Variants in CSMD1 observed in about 807,000 individuals in gnomAD.
The protein encoded by CSMD1 is CUB and sushi domain-containing protein 1.
A neutral mutation model predicts 417.5 loss-of-function variants in CSMD1; 213 were observed. That is an observed-to-expected ratio of 0.51 (90% CI 0.46 to 0.57). The LOEUF (loss-of-function observed/expected upper bound fraction) is 0.57. Among genes scored for constraint, CSMD1 ranks in the 20% least tolerant of loss-of-function variants. The pLI is 0.00. For synonymous variants in CSMD1, 2,862 were observed against 1,736.8 expected (o/e 1.65, Z -16.11); for missense variants, 6,923 against 4,529.7 (o/e 1.53, Z -15.17).
intron 3 of CSMD1, among the ~76,000 whole-genome samples, chr8:4,165,542 C>G (rs374622896): frequency 6.6e-6 from 1 of 152,126 alleles, no homozygotes; most frequent in Non-Finnish European, 1.5e-5. Flanking sequence ...TAGGTGGGAC[C>G]TCCGGTGCAC....
intron 10 of CSMD1, among the ~76,000 whole-genome samples, chr8:3,573,105 A>G (rs1460717610): frequency 6.6e-6 from 1 of 152,124 alleles, no homozygotes; most frequent in African/African-American, 2.4e-5. Flanking sequence ...GTTTTTTTCT[A>G]TTTATCTTAT....
At chr8:3,291,456 T>G (rs1803552585) in intron 25 of CSMD1, among the ~76,000 whole-genome samples, 2 of 152,220 alleles carry the variant, frequency 1.3e-5, no homozygotes. Flanking sequence ...CATCTGGTCC[T>G]CGACTTTTTT....
At chr8:4,272,401 G>A (rs1405301204) in intron 3 of CSMD1, among the ~76,000 whole-genome samples, 4 of 152,030 alleles carry the variant, frequency 2.6e-5, no homozygotes, top group African/African-American at 9.7e-5. Flanking sequence ...AAGACCTATA[G>A]ACAATGAGGA....
intron 3 of CSMD1, among the ~76,000 whole-genome samples, chr8:4,067,999 C>T (rs1378262870): frequency 6.6e-6 from 1 of 152,024 alleles, no homozygotes; most frequent in East Asian, 1.9e-4. Flanking sequence ...ATCACCTGAA[C>T]CCTGAGTGGG....
chr8:4,284,231 G>C (rs1796938335), intron 3 of CSMD1, among the ~76,000 whole-genome samples: 1 of 152,114 alleles, frequency 6.6e-6, no homozygotes, highest in South Asian at 2.1e-4. Flanking sequence ...AGCTGGGCGT[G>C]GTGGCACGTG....
intron 11 of CSMD1, among the ~76,000 whole-genome samples, chr8:3,479,843 C>T (rs2117237521): frequency 6.6e-6 from 1 of 151,034 alleles, no homozygotes; most frequent in Admixed American, 6.6e-5. Context: ...TGATCATTTA[C>T]AAATTATCTG....
chr8:4,632,219 C>G (rs1802560344), intron 2 of CSMD1, among the ~76,000 whole-genome samples: 1 of 152,112 alleles, frequency 6.6e-6, no homozygotes, highest in African/African-American at 2.4e-5. Flanking sequence ...TTCAAAATTG[C>G]CCCACGAACA....
chr8:3,097,850 C>T (rs953202663), intron 46 of CSMD1, among the ~76,000 whole-genome samples: 1 of 152,160 alleles, frequency 6.6e-6, no homozygotes, highest in Non-Finnish European at 1.5e-5. Context: ...AATTAGAGAC[C>T]TGGTCTCAAT....
chr8:3,991,011 T>G (rs920861564), intron 5 of CSMD1, among the ~76,000 whole-genome samples: 1 of 152,062 alleles, frequency 6.6e-6, no homozygotes, highest in Non-Finnish European at 1.5e-5. Context: ...GACAAAAACC[T>G]CTAAAACACA....
chr8:4,329,001 C>A (rs1046043906), intron 3 of CSMD1, among the ~76,000 whole-genome samples: 97 of 152,200 alleles, frequency 6.4e-4, no homozygotes, highest in African/African-American at 2.2e-3. Flanking sequence ...GTTTACTATT[C>A]CTCTTGGGCT....
chr8:4,535,533 A>T (rs1259190446), intron 2 of CSMD1, among the ~76,000 whole-genome samples: 1 of 152,108 alleles, frequency 6.6e-6, no homozygotes, highest in Non-Finnish European at 1.5e-5. Flanking sequence ...CAAATTTTTT[A>T]TCTTGTAACA....
At chr8:3,983,425 C>G (rs139988547) in intron 5 of CSMD1, among the ~76,000 whole-genome samples, 1 of 151,948 alleles carries the variant, frequency 6.6e-6, no homozygotes, top group Admixed American at 6.6e-5. Context: ...CCACCGCGCC[C>G]GGCCGCAGCC....
intron 2 of CSMD1, among the ~76,000 whole-genome samples, chr8:4,431,357 C>G (rs1797862928): frequency 6.6e-6 from 1 of 152,022 alleles, no homozygotes; most frequent in African/African-American, 2.4e-5. Context: ...AAAATTGAAA[C>G]CAATAGTTGG....
At chr8:3,531,651 T>C (rs10101252) in intron 10 of CSMD1, among the ~76,000 whole-genome samples, 19,108 of 152,028 alleles carry the variant, frequency 0.13, 1,339 homozygotes, top group Admixed American at 0.2. Context: ...ATACAGGAAG[T>C]AGAACAAAAA....
chr8:3,320,908 G>T (rs1476916600), intron 23 of CSMD1, among the ~76,000 whole-genome samples: 3 of 152,130 alleles, frequency 2.0e-5, no homozygotes, highest in Non-Finnish European at 2.9e-5. Flanking sequence ...GCACCTCACT[G>T]ACCGTAAAGC....
At chr8:4,607,765 T>C (rs1257861436) in intron 2 of CSMD1, among the ~76,000 whole-genome samples, 1 of 152,158 alleles carries the variant, frequency 6.6e-6, no homozygotes, top group Non-Finnish European at 1.5e-5. Context: ...TGAGAGTGAC[T>C]CTCTCTTGAG....
At chr8:2,940,969 A>G (rs139009427) in intron 69 of CSMD1, among the ~76,000 whole-genome samples, 194 of 152,356 alleles carry the variant, frequency 1.3e-3, no homozygotes, top group African/African-American at 4.3e-3. Context: ...TCCCTTTAAG[A>G]AGAGAAGCTC....
rs368943607 is a variant in CSMD1 at position 4,027,030 on chromosome 8, G to A, written c.610+4875C>T. Among the ~76,000 whole-genome samples, 5 of 152,298 alleles carry A rather than the reference G, an allele frequency of 3.3e-5. No homozygotes were observed. The South Asian group carries it at 8.3e-4, about 25-fold the overall frequency. On this transcript the variant is annotated intron_variant, in intron 4 of 69. Transcript: ENST00000635120. ...TAATAAGCTAACCACATGATGTCAA[G>A]GAACACAGAACTTGGAAAAGAAGCA...
intron 5 of CSMD1, among the ~76,000 whole-genome samples, chr8:3,814,142 CCA>C (rs1801240554): frequency 6.6e-6 from 1 of 152,186 alleles, no homozygotes; most frequent in Non-Finnish European, 1.5e-5. Context: ...CAGCTCAGCC[CCA>C]GATTCTGGTA....
Sources: allele counts gnomAD v4.1 joint callset (sites outside exome capture counted in the v4.1 genomes callset), GRCh38; gene constraint gnomAD v4.1.1; transcripts MANE v1.5; gene names NCBI Gene and HGNC (gene_info 2026-07-23, HGNC 2026-07-21).